Variants in PCDH15 observed in about 807,000 individuals in gnomAD.
PCDH15 encodes the protein protocadherin related 15, also known as protocadherin-15.
PCDH15 carries 129 observed loss-of-function variants against 178.5 expected under a neutral mutation model. The ratio of observed to expected loss-of-function variants is 0.72; its 90% CI spans 0.63 to 0.84. PCDH15 has a LOEUF of 0.84. Among genes scored for constraint, PCDH15 ranks in the 40% least tolerant of loss-of-function variants. PCDH15 has a pLI of 0.00. For missense variants in PCDH15, 2,230 were observed against 2,099.9 expected, an observed-to-expected ratio of 1.06 and a Z score of -1.21; for synonymous variants, 800 against 732.0, an observed-to-expected ratio of 1.09 and a Z score of -1.50.
chr10:54,070,625 C>T (rs1398332109), intron 17 of PCDH15, among the ~76,000 whole-genome samples: 3 of 151,924 alleles, frequency 2.0e-5, no homozygotes, highest in Non-Finnish European at 2.9e-5. Flanking sequence ...ATGTCTCATT[C>T]TGTTGCCCAG....
intron 1 of PCDH15, among the ~76,000 whole-genome samples, chr10:55,194,285 C>G (rs7093040): frequency 0.48 from 72,314 of 151,740 alleles, 17,599 homozygotes; most frequent in East Asian, 0.67. Flanking sequence ...CTTCATCATT[C>G]TTTTATCTCA....
chr10:54,620,853 T>C (rs1194846543), intron 2 of PCDH15, among the ~76,000 whole-genome samples: 1 of 152,140 alleles, frequency 6.6e-6, no homozygotes, highest in Non-Finnish European at 1.5e-5. Context: ...ACCTCCTTTT[T>C]CCCCTTTACT....
At chr10:55,305,541 A>G (rs2132282768) in intron 1 of PCDH15, among the ~76,000 whole-genome samples, 1 of 152,284 alleles carries the variant, frequency 6.6e-6, no homozygotes, top group South Asian at 2.1e-4. Flanking sequence ...AAGAAAGAGA[A>G]ACAAAGAATG....
intron 1 of PCDH15, among the ~76,000 whole-genome samples, chr10:55,293,361 T>C (rs1282903121): frequency 3.9e-5 from 6 of 152,186 alleles, no homozygotes; most frequent in Admixed American, 1.3e-4. Flanking sequence ...ATGAAGAACT[T>C]TGACATTGCC....
chr10:54,248,289 T>C (rs1396017868), intron 8 of PCDH15, among the ~76,000 whole-genome samples: 1 of 151,986 alleles, frequency 6.6e-6, no homozygotes, highest in Non-Finnish European at 1.5e-5. Flanking sequence ...ATGAATTAAA[T>C]TATTTAAAAA....
At chr10:54,545,773 C>T (rs1231493302) in intron 2 of PCDH15, among the ~76,000 whole-genome samples, 1 of 152,176 alleles carries the variant, frequency 6.6e-6, no homozygotes, top group Non-Finnish European at 1.5e-5. Flanking sequence ...TAAACACACT[C>T]TGTAATTGTG....
At chr10:54,520,997 G>T (rs1368756928) in intron 3 of PCDH15, among the ~76,000 whole-genome samples, 2 of 146,900 alleles carry the variant, frequency 1.4e-5, no homozygotes, top group Non-Finnish European at 3.0e-5. Context: ...TCACTCATAG[G>T]TGGGAATTGA....
intron 2 of PCDH15, among the ~76,000 whole-genome samples, chr10:54,971,427 T>A (rs1157042941): frequency 6.6e-6 from 1 of 152,148 alleles, no homozygotes; most frequent in Admixed American, 6.6e-5. Context: ...GGGCCCTTAC[T>A]GGACAACAAG....
At chr10:55,582,614 A>ATTTTTTTTTTTTTT (rs1433568928) in intron 2 of PCDH15, among the ~76,000 whole-genome samples, 1 of 88,624 alleles carries the variant, frequency 1.1e-5, no homozygotes, top group African/African-American at 6.1e-5. Flanking sequence ...ATATATATAT[A>ATTTTTTTTTTTTTT]TATATATATA....
chr10:54,219,804 T>C (rs928657543), intron 9 of PCDH15, among the ~76,000 whole-genome samples: 2 of 151,934 alleles, frequency 1.3e-5, no homozygotes, highest in Non-Finnish European at 2.9e-5. Flanking sequence ...ATTGTTATAC[T>C]TTTTATTTGT....
At chr10:54,719,248 A>C (rs1448539742) in intron 1 of PCDH15, among the ~76,000 whole-genome samples, 1 of 152,156 alleles carries the variant, frequency 6.6e-6, no homozygotes, top group Admixed American at 6.6e-5. Context: ...AGTAGGCTAT[A>C]CCAACTGGAA....
chr10:54,582,362 G>A (rs538978694), intron 2 of PCDH15, among the ~76,000 whole-genome samples: 13 of 151,942 alleles, frequency 8.6e-5, no homozygotes, highest in South Asian at 2.1e-4. Flanking sequence ...CCATTGGATC[G>A]CATGATAATT....
At chr10:55,185,996 G>C (rs1839789946) in intron 1 of PCDH15, among the ~76,000 whole-genome samples, 1 of 151,478 alleles carries the variant, frequency 6.6e-6, no homozygotes, top group Non-Finnish European at 1.5e-5. Context: ...TTTGGGACTT[G>C]GAAATTATCA....
chr10:54,832,670 A>G (rs1365121330), intron 3 of PCDH15, among the ~76,000 whole-genome samples: 1 of 152,228 alleles, frequency 6.6e-6, no homozygotes, highest in African/African-American at 2.4e-5. Flanking sequence ...CAGGGCAACC[A>G]CACAATACAA....
rs147752139 is a variant in PCDH15, at chr10:54,021,944, T to A, written c.2526+948A>T. ...ATAAATAACTTAACTAATTAATTAA[T>A]TGACAGATGAATGGTGGAATAGATG... is the stretch of plus-strand genomic sequence containing the variant. On this transcript the variant is annotated intron_variant, in intron 19 of 37. Transcript: ENST00000644397. Among the ~76,000 whole-genome samples, 7 of 152,084 alleles carry A rather than the reference T, an allele frequency of 4.6e-5. No homozygotes were observed. In the South Asian group the frequency reaches 1.5e-3, roughly 32 times the overall value.
intron 9 of PCDH15, among the ~76,000 whole-genome samples, chr10:54,218,005 T>C (rs570308451): frequency 6.6e-6 from 1 of 152,336 alleles, no homozygotes; most frequent in African/African-American, 2.4e-5. Context: ...AGATCAAATA[T>C]GTTTAAATTC....
In PCDH15 at chr10:54,022,892, C is replaced by T; in HGVS notation, c.2526G>A (p.Glu842=). 1 of 1,613,702 alleles carries T rather than the reference C, an allele frequency of 6.2e-7. No homozygotes were observed. The highest frequency in any genetic ancestry group is 8.5e-7 in the Non-Finnish European group (1 of 1,179,714). Residue 842 remains glutamate, a splice_region_variant and synonymous_variant, in exon 19 of 38, where the codon GAG becomes GAA. Coordinates refer to ENST00000644397, the MANE Select transcript of PCDH15 (RefSeq NM_001384140.1). ...LPAGTTILQI[E]AKDVDLGANV... is the part of the protein sequence containing the mutation. ...GTAATAAATGCTTTTTCCCACACAC[C>T]TCTATTTGAAGGATGGTAGTCCCAG...
intron 2 of PCDH15, among the ~76,000 whole-genome samples, chr10:55,059,921 TA>T (rs755429824): frequency 2.6e-5 from 4 of 151,912 alleles, no homozygotes; most frequent in Non-Finnish European, 5.9e-5. Flanking sequence ...AATAATATCA[TA>T]AAACTGAGGC....
intron 23 of PCDH15, among the ~76,000 whole-genome samples, chr10:53,950,137 G>T (rs2086897448): frequency 6.6e-6 from 1 of 151,858 alleles, no homozygotes; most frequent in Non-Finnish European, 1.5e-5. Context: ...CAAAATTTCA[G>T]AATGTTCACA....
Sources: allele counts gnomAD v4.1 joint callset (sites outside exome capture counted in the v4.1 genomes callset), GRCh38; gene constraint gnomAD v4.1.1; transcripts MANE v1.5; gene names NCBI Gene and HGNC (gene_info 2026-07-23, HGNC 2026-07-21).